The following LRPPRC variants were observed in gnomAD, a reference collection of about 807,000 sequenced individuals.
The protein encoded by LRPPRC is leucine-rich PPR motif-containing protein, mitochondrial.
In LRPPRC, 120 loss-of-function variants were observed where a neutral mutation model predicts 180.3. The observed-to-expected ratio is 0.67, with a 90% CI of 0.57 to 0.77. The LOEUF is 0.77. Among genes scored for constraint, LRPPRC ranks in the 30% least tolerant of loss-of-function variants. The pLI, the probability that LRPPRC is intolerant of heterozygous loss-of-function variation, is 0.00. For missense variants in LRPPRC, 2,012 were observed against 1,657.2 expected (o/e 1.21, Z -3.72); for synonymous variants, 723 against 600.0 (o/e 1.21, Z -3.00).
rs140468309 is a variant in LRPPRC at position 43,968,187 on chromosome 2, G to A, written c.1370-4481C>T. On this transcript the variant is annotated intron_variant, in intron 11 of 37. Coordinates refer to ENST00000260665, the MANE Select transcript of LRPPRC (RefSeq NM_133259.4). Reference sequence around the variant, plus strand: ...GCAATGTAAATCTAAGCAAGTTGTCGCATGTTTCTGAGCCATAATTTGGTG... The same window carrying A: ...GCAATGTAAATCTAAGCAAGTTGTCACATGTTTCTGAGCCATAATTTGGTG... Among the ~76,000 whole-genome samples, 100 of 152,178 alleles carry A rather than the reference G, an allele frequency of 6.6e-4. 1 individual carries two copies. In the South Asian group the frequency reaches 0.016, roughly 25 times the overall value.
chr2:43,958,795 G>T (rs1047489021), intron 13 of LRPPRC, among the ~76,000 whole-genome samples: 7 of 152,158 alleles, frequency 4.6e-5, no homozygotes, highest in Non-Finnish European at 7.3e-5. Context: ...CCTAAGAGCT[G>T]CCTGAAGCAC....
chr2:43,910,259 A>G (rs1244095739), intron 30 of LRPPRC, among the ~76,000 whole-genome samples: 3 of 149,936 alleles, frequency 2.0e-5, no homozygotes, highest in African/African-American at 7.4e-5. Flanking sequence ...TTTGAGACAG[A>G]GTCTTGCTCT....
chr2:43,981,197 T>C (rs772564851), intron 2 of LRPPRC, among the ~76,000 whole-genome samples: 17 of 152,050 alleles, frequency 1.1e-4, no homozygotes, highest in African/African-American at 3.9e-4. Flanking sequence ...AGTAGCTAAT[T>C]GAAAATGAAA....
intron 1 of LRPPRC, among the ~76,000 whole-genome samples, chr2:43,991,836 T>G (rs1674796037): frequency 6.6e-6 from 1 of 152,260 alleles, no homozygotes; most frequent in African/African-American, 2.4e-5. Context: ...AGGACATTCC[T>G]GGAAATCAAG....
At chr2:43,979,391 G>A (rs558003328) in intron 3 of LRPPRC, among the ~76,000 whole-genome samples, 1 of 152,064 alleles carries the variant, frequency 6.6e-6, no homozygotes, top group South Asian at 2.1e-4. Context: ...CTATTTTACG[G>A]GTACTCCATA....
In LRPPRC at chr2:43,950,452, GC is replaced by G; in HGVS notation, c.1677+120del. 3 of 861,056 alleles carry G rather than the reference GC, an allele frequency of 3.5e-6. 1 individual carries two copies. In the South Asian group the frequency reaches 4.1e-5, roughly 12 times the overall value. 53.3% of individuals were successfully genotyped at this position (861,056 alleles called of 1,614,324 possible). A position where few individuals can be genotyped will look rare whatever the true frequency, so the allele number is the denominator to read the frequency against. ...ACTATTATTTTTCAACATTAACTCT[GC>G]CAGCAAAATTTTAGTAGAAAACCAA... On this transcript the variant is annotated intron_variant, in intron 15 of 37. Transcript: ENST00000260665.
chr2:43,941,752 G>C (rs1449785477), intron 23 of LRPPRC, among the ~76,000 whole-genome samples: 2 of 147,816 alleles, frequency 1.4e-5, no homozygotes, highest in East Asian at 4.0e-4. Flanking sequence ...TTAGTCTCAT[G>C]ACTCTGAAAG....
chr2:43,960,244 G>A (rs1280475008), intron 13 of LRPPRC, among the ~76,000 whole-genome samples: 1 of 152,176 alleles, frequency 6.6e-6, no homozygotes, highest in Non-Finnish European at 1.5e-5. Context: ...AGAGAGGTTA[G>A]AAGACTTCTT....
At chr2:43,975,367 T>C (rs1238517530) in intron 6 of LRPPRC, 150 bp from the exon 7 acceptor site, 6 of 617,852 alleles carry the variant, frequency 9.7e-6, no homozygotes, top group South Asian at 7.7e-5. Context: ...TTAAACTGGA[T>C]ATATGTTTCT....
intron 1 of LRPPRC, among the ~76,000 whole-genome samples, chr2:43,989,031 C>G (rs1674657419): frequency 1.3e-5 from 2 of 152,088 alleles, no homozygotes; most frequent in African/African-American, 2.4e-5. Context: ...CATGCCACCA[C>G]AGCTGGCTAA....
chr2:43,978,328 C>G (rs1674147791), intron 3 of LRPPRC, among the ~76,000 whole-genome samples: 1 of 152,082 alleles, frequency 6.6e-6, no homozygotes, highest in Non-Finnish European at 1.5e-5. Flanking sequence ...CCATTATACA[C>G]AAAGCATCAT....
chr2:43,974,679 G>C lies in LRPPRC; in HGVS notation c.944C>G (p.Ala315Gly). The change falls in exon 8 of 38, where the codon GCT becomes GGT. Residue 315 changes from alanine (A) to glycine (G), a missense_variant. Transcript: ENST00000260665. ...TTCTGAGACATACTGAGGATACCCA[G>C]CTTTACTGAAGCTAAAAATAATTTG... is the stretch of plus-strand genomic sequence containing the variant. ...LLQIIFSFSK[A>G]GYPQYVSEIL... 4 of 1,612,258 alleles carry C rather than the reference G, an allele frequency of 2.5e-6. No individual in the cohort carries two copies. The highest frequency in any genetic ancestry group is 3.4e-6 in the Non-Finnish European group (4 of 1,178,482).
At chr2:43,889,289 T>C (rs1187258205) in intron 37 of LRPPRC, among the ~76,000 whole-genome samples, 3 of 108,074 alleles carry the variant, frequency 2.8e-5, no homozygotes, top group African/African-American at 3.7e-5. Context: ...CACTCCAGCC[T>C]GGGCAACACA....
chr2:43,919,882 C>T (rs1040062219), intron 27 of LRPPRC, among the ~76,000 whole-genome samples: 1 of 151,678 alleles, frequency 6.6e-6, no homozygotes, highest in Non-Finnish European at 1.5e-5. Context: ...TTTTACAGCA[C>T]AAATGTTCCA....
chr2:43,946,101 C>G lies in LRPPRC; in HGVS notation c.2210+12G>C. 6.2e-7 allele frequency: 1 copy of G among 1,611,912 alleles called. No individual in the cohort carries two copies. ...AAATGTTGACAACTTGTTTCAGTGC[C>G]AGGGTACTCACAATTCTTCTTTCAA... is the stretch of plus-strand genomic sequence containing the variant. On this transcript the variant is annotated intron_variant, in intron 21 of 37. Transcript: ENST00000260665.
chr2:43,965,552 G>A (rs542701580), intron 11 of LRPPRC, among the ~76,000 whole-genome samples: 188 of 152,218 alleles, frequency 1.2e-3, no homozygotes, highest in Non-Finnish European at 2.3e-3. Context: ...CACGGTAAAG[G>A]AAACAATAAA....
intron 27 of LRPPRC, among the ~76,000 whole-genome samples, chr2:43,919,177 C>A (rs1671607247): frequency 6.6e-6 from 1 of 152,046 alleles, no homozygotes; most frequent in African/African-American, 2.4e-5. Flanking sequence ...GTTGTGAACT[C>A]CTTATGAGAA....
chr2:43,919,868 T>C (rs1054637310), intron 27 of LRPPRC, among the ~76,000 whole-genome samples: 1 of 151,700 alleles, frequency 6.6e-6, no homozygotes, highest in African/African-American at 2.4e-5. Flanking sequence ...GAAGGAGGGG[T>C]TTGTTTTACA....
Position 43,973,421 on chromosome 2 carries a change from G to C in LRPPRC, c.1369+186C>G, listed in dbSNP as rs530829896. On this transcript the variant is annotated intron_variant, in intron 11 of 37. Transcript: ENST00000260665. Reference sequence around the variant, plus strand: ...TGAAATTAATGAAATTCAGATGAAAGAAATCCATCATGTTTTGTTTTTTAA... The same window carrying C: ...TGAAATTAATGAAATTCAGATGAAACAAATCCATCATGTTTTGTTTTTTAA... Among the ~76,000 whole-genome samples, 5 of 152,190 alleles carry C rather than the reference G, an allele frequency of 3.3e-5. No individual in the cohort carries two copies. In the East Asian group the frequency reaches 9.7e-4, roughly 29 times the overall value.
Sources: gnomAD v4.1 joint callset for allele counts (sites outside exome capture counted in the v4.1 genomes callset) on GRCh38, gnomAD v4.1.1 for gene constraint, MANE v1.5 for transcripts, NCBI Gene and HGNC (gene_info 2026-07-23, HGNC 2026-07-21) for gene names.